TENM2: variants seen among roughly 807,000 people sequenced by gnomAD.
The protein encoded by TENM2 is teneurin-2.
TENM2 carries 52 observed loss-of-function variants against 245.2 expected under a neutral mutation model. That is an observed-to-expected ratio of 0.21 (90% CI 0.17 to 0.27). The LOEUF is 0.27. Among genes scored for constraint, TENM2 ranks in the 10% least tolerant of loss-of-function variants. The pLI is 1.00. For synonymous variants in TENM2, 1,363 were observed against 1,438.9 expected (o/e 0.95, Z 1.19); for missense variants, 3,046 against 3,666.8 (o/e 0.83, Z 4.37).
chr5:167,342,469 G>A (rs948395023), intron 1 of TENM2, among the ~76,000 whole-genome samples: 2 of 146,876 alleles, frequency 1.4e-5, no homozygotes, highest in African/African-American at 2.5e-5. Context: ...TCATCTGACT[G>A]CGGTCGGGTT....
At chr5:167,319,439 A>G (rs189120263) in intron 1 of TENM2, among the ~76,000 whole-genome samples, 2 of 152,330 alleles carry the variant, frequency 1.3e-5, no homozygotes, top group African/African-American at 2.4e-5. Context: ...AGTGTTAACA[A>G]TGATCATTAT....
At chr5:167,452,962 T>TATATATATA (rs1406197551) in intron 2 of TENM2, among the ~76,000 whole-genome samples, 52 of 96,756 alleles carry the variant, frequency 5.4e-4, no homozygotes, top group East Asian at 1.8e-3. Context: ...TATATATATA[T>TATATATATA]TTAAAAAAAA....
chr5:167,300,377 G>C (rs1396073307), intron 1 of TENM2, among the ~76,000 whole-genome samples: 1 of 152,180 alleles, frequency 6.6e-6, no homozygotes, highest in Non-Finnish European at 1.5e-5. Context: ...CTGGGATGAA[G>C]ATCCAGAACA....
At chr5:167,436,668 A>G (rs1008980105) in intron 2 of TENM2, among the ~76,000 whole-genome samples, 1 of 152,116 alleles carries the variant, frequency 6.6e-6, no homozygotes, top group East Asian at 1.9e-4. Flanking sequence ...GACTAGGAGA[A>G]AATGGTTTCA....
intron 2 of TENM2, among the ~76,000 whole-genome samples, chr5:167,504,044 A>T (rs745936091): frequency 1.3e-5 from 2 of 152,154 alleles, no homozygotes; most frequent in Non-Finnish European, 2.9e-5. Context: ...TTCATTTTAC[A>T]TTTTTTTAAG....
At chr5:167,509,260 C>A (rs78738077) in intron 2 of TENM2, among the ~76,000 whole-genome samples, 3,602 of 152,340 alleles carry the variant, frequency 0.024, 153 homozygotes, top group South Asian at 0.081. Context: ...ATTGTCCTTA[C>A]ATTAAATATA....
chr5:168,111,275 G>A (rs1488695103), intron 9 of TENM2, among the ~76,000 whole-genome samples: 1 of 152,068 alleles, frequency 6.6e-6, no homozygotes, highest in African/African-American at 2.4e-5. Flanking sequence ...TGGGAATGAG[G>A]AAGTTGGTGC....
intron 2 of TENM2, among the ~76,000 whole-genome samples, chr5:167,449,267 A>G (rs1765415758): frequency 6.6e-6 from 1 of 152,192 alleles, no homozygotes; most frequent in Non-Finnish European, 1.5e-5. Flanking sequence ...GCAAATTAAT[A>G]AGCAGATCTT....
At chr5:168,173,113 T>A (rs1758997946) in intron 13 of TENM2, among the ~76,000 whole-genome samples, 1 of 152,090 alleles carries the variant, frequency 6.6e-6, no homozygotes, top group East Asian at 1.9e-4. Context: ...TGGAACTCCA[T>A]GGCCACGTGC....
At chr5:167,517,528 C>A (rs1004820483) in intron 2 of TENM2, among the ~76,000 whole-genome samples, 6 of 152,012 alleles carry the variant, frequency 3.9e-5, no homozygotes, top group African/African-American at 1.4e-4. Flanking sequence ...TAGTTTTCAG[C>A]GCTAATAGAG....
chr5:168,210,824 A>G (rs1762752235), intron 19 of TENM2, among the ~76,000 whole-genome samples: 1 of 152,126 alleles, frequency 6.6e-6, no homozygotes, highest in South Asian at 2.1e-4. Flanking sequence ...ACTTTGGCCT[A>G]GAAGCCTCGA....
the TENM2 span, among the ~76,000 whole-genome samples, chr5:167,251,421 T>G: frequency 1.3e-5 from 2 of 152,190 alleles, no homozygotes; most frequent in Non-Finnish European, 2.9e-5. Flanking sequence ...TAATGCCTAA[T>G]GCTTATATAT....
chr5:168,261,960 G>C (rs749022399), intron 28 of TENM2, 89 bp from the exon 31 acceptor site: 12 of 1,304,372 alleles, frequency 9.2e-6, no homozygotes, highest in East Asian at 2.3e-5. Context: ...GTTCTTGCAG[G>C]AGAGTTCCAA....
chr5:167,512,026 A>G (rs1432330285), intron 2 of TENM2, among the ~76,000 whole-genome samples: 1 of 152,178 alleles, frequency 6.6e-6, no homozygotes, highest in Non-Finnish European at 1.5e-5. Context: ...GAGTTGTGTG[A>G]TGTTCCGTTT....
chr5:167,231,701 A>G, the TENM2 span, among the ~76,000 whole-genome samples: 1 of 152,236 alleles, frequency 6.6e-6, no homozygotes, highest in Admixed American at 6.5e-5. Flanking sequence ...GCAGCCTGAC[A>G]ATGCAGTAGA....
chr5:167,486,406 G>T (rs1768078332), intron 2 of TENM2, among the ~76,000 whole-genome samples: 1 of 149,972 alleles, frequency 6.7e-6, no homozygotes, highest in African/African-American at 2.5e-5. Context: ...TCGGCTTGCT[G>T]CAAGCTCTGC....
At chr5:167,874,274 G>A (rs1773233615) in intron 2 of TENM2, among the ~76,000 whole-genome samples, 1 of 152,204 alleles carries the variant, frequency 6.6e-6, no homozygotes, top group Non-Finnish European at 1.5e-5. Flanking sequence ...TCTGAGGGCA[G>A]GGGTGGTGTC....
intron 12 of TENM2, among the ~76,000 whole-genome samples, chr5:168,148,088 T>C (rs1756268935): frequency 6.6e-6 from 1 of 152,238 alleles, no homozygotes; most frequent in South Asian, 2.1e-4. Flanking sequence ...GGAATTGCTC[T>C]GCTGCAATTT....
chr5:167,122,464 C>T, the TENM2 span, among the ~76,000 whole-genome samples: 1 of 152,168 alleles, frequency 6.6e-6, no homozygotes, highest in Admixed American at 6.5e-5. Flanking sequence ...CCTCCCCGGG[C>T]TGACTTACCT....
Sources: gnomAD v4.1 joint callset for allele counts (sites outside exome capture counted in the v4.1 genomes callset) on GRCh38, gnomAD v4.1.1 for gene constraint, MANE v1.5 for transcripts, NCBI Gene and HGNC (gene_info 2026-07-23, HGNC 2026-07-21) for gene names.